Variants in DPP6 observed in about 807,000 individuals in gnomAD.
The protein encoded by DPP6 is dipeptidyl peptidase like 6.
DPP6 carries 69 observed loss-of-function variants against 122.6 expected under a neutral mutation model. The ratio of observed to expected loss-of-function variants is 0.56; its 90% CI spans 0.46 to 0.69. The LOEUF is 0.69. Ranked by LOEUF, DPP6 falls within the 30% of genes least tolerant of loss-of-function variation. The pLI is 0.00. For synonymous variants in DPP6, 418 were observed against 433.1 expected (o/e 0.97, Z 0.43); for missense variants, 928 against 1,116.9 (o/e 0.83, Z 2.41).
chr7:154,645,593 CATGAAACAGT>C (rs1168865910), intron 6 of DPP6, among the ~76,000 whole-genome samples: 9 of 152,140 alleles, frequency 5.9e-5, no homozygotes, highest in African/African-American at 2.2e-4. Context: ...CTTGTGTAGT[CATGAAACAGT>C]TCCTTTGCTC....
intron 1 of DPP6, among the ~76,000 whole-genome samples, chr7:154,332,985 C>T (rs772642954): frequency 3.3e-5 from 5 of 152,108 alleles, no homozygotes; most frequent in East Asian, 3.9e-4. Context: ...GCGATGGGTC[C>T]GGGGAACAGC....
intron 1 of DPP6, among the ~76,000 whole-genome samples, chr7:154,239,817 A>G (rs1801458803): frequency 7.8e-6 from 1 of 128,386 alleles, no homozygotes; most frequent in South Asian, 2.4e-4. Context: ...TACTAAAACT[A>G]CAAAAAAAAA....
At chr7:154,066,335 T>C (rs887278901) in intron 1 of DPP6, among the ~76,000 whole-genome samples, 11 of 151,996 alleles carry the variant, frequency 7.2e-5, no homozygotes, top group Non-Finnish European at 1.2e-4. Context: ...GTTGGGATTA[T>C]AGGTGTGAGT....
intron 1 of DPP6, among the ~76,000 whole-genome samples, chr7:154,361,365 A>C (rs1201287743): frequency 1.3e-5 from 2 of 152,218 alleles, no homozygotes; most frequent in African/African-American, 4.8e-5. Context: ...GGTCACAGTG[A>C]GATAGACCAC....
At chr7:154,869,726 C>T (rs185745239) in intron 18 of DPP6, among the ~76,000 whole-genome samples, 9 of 152,330 alleles carry the variant, frequency 5.9e-5, no homozygotes, top group Admixed American at 2.0e-4. Context: ...CTTCTGGCCC[C>T]GCCATTTGGC....
intron 2 of DPP6, among the ~76,000 whole-genome samples, chr7:154,471,869 A>T (rs984777019): frequency 5.3e-5 from 8 of 152,188 alleles, no homozygotes; most frequent in African/African-American, 1.9e-4. Context: ...TCTTGAAAAA[A>T]GTTATTTAGA....
intron 1 of DPP6, among the ~76,000 whole-genome samples, chr7:154,088,668 C>T (rs1302701989): frequency 6.8e-6 from 1 of 148,106 alleles, no homozygotes; most frequent in Non-Finnish European, 1.5e-5. Flanking sequence ...GGGGATGTGG[C>T]CCCTGGGCAG....
chr7:154,489,308 A>T (rs1319234927), intron 3 of DPP6, among the ~76,000 whole-genome samples: 2 of 152,202 alleles, frequency 1.3e-5, no homozygotes, highest in Non-Finnish European at 2.9e-5. Context: ...GTTCACATTT[A>T]AAATGCTTTA....
the DPP6 span, among the ~76,000 whole-genome samples, chr7:153,813,997 C>G: frequency 6.6e-6 from 1 of 151,508 alleles, no homozygotes; most frequent in Non-Finnish European, 1.5e-5. Context: ...ATGGTAGTTT[C>G]TTTTGCTGTG....
At chr7:154,479,570 A>AAG (rs1554563520) in intron 3 of DPP6, among the ~76,000 whole-genome samples, 47 of 101,618 alleles carry the variant, frequency 4.6e-4, no homozygotes, top group South Asian at 1.2e-3. Flanking sequence ...AAAAAAAAAA[A>AAG]AAAAGAAAAG....
At chr7:153,795,104 C>T in the DPP6 span, among the ~76,000 whole-genome samples, 1 of 152,170 alleles carries the variant, frequency 6.6e-6, no homozygotes, top group Non-Finnish European at 1.5e-5. Context: ...TCTTAATATT[C>T]TCTTATTACC....
At chr7:154,819,786 T>C (rs1587240983) in intron 16 of DPP6, among the ~76,000 whole-genome samples, 1 of 152,164 alleles carries the variant, frequency 6.6e-6, no homozygotes, top group East Asian at 1.9e-4. Flanking sequence ...ACATAAATGG[T>C]TCACTGTTAA....
At position 154,876,113 on chromosome 7, in the gene DPP6, C is replaced by T. The variant is rs749295481; in HGVS notation, c.2078+13C>T. 2 of 1,567,916 alleles carry T rather than the reference C, an allele frequency of 1.3e-6. No individual in the cohort carries two copies. Among genetic ancestry groups the T allele is most frequent in the Non-Finnish European group, 8.6e-7 (1 of 1,156,578 alleles). The stretch of plus-strand genomic sequence containing the variant: ...TGGAGGCCGTGCGGTGAGCACCCGC[C>T]CAGGAAGCAGGAGAGGCCGGGAGGG... On this transcript the variant is annotated intron_variant, in intron 20 of 25. Transcript: ENST00000377770.
chr7:154,455,644 A>G (rs530005923), intron 2 of DPP6, among the ~76,000 whole-genome samples: 34 of 152,190 alleles, frequency 2.2e-4, no homozygotes, highest in Middle Eastern at 3.4e-3. Flanking sequence ...TTGATTTCCC[A>G]TCATTAATTC....
the DPP6 span, among the ~76,000 whole-genome samples, chr7:153,764,822 A>C: frequency 6.6e-6 from 1 of 151,346 alleles, no homozygotes; most frequent in African/African-American, 2.4e-5. Flanking sequence ...TCCCACCATC[A>C]CCAGAACCGA....
intron 16 of DPP6, among the ~76,000 whole-genome samples, chr7:154,837,841 G>C (rs1370719723): frequency 6.6e-6 from 1 of 152,068 alleles, no homozygotes; most frequent in Admixed American, 6.5e-5. Flanking sequence ...CCCCAGTATT[G>C]GTGAGGTTTT....
chr7:154,326,575 T>A (rs895591839), intron 1 of DPP6, among the ~76,000 whole-genome samples: 1 of 152,220 alleles, frequency 6.6e-6, no homozygotes, highest in Non-Finnish European at 1.5e-5. Context: ...TTACACAGTG[T>A]TGTATGTTTG....
intron 1 of DPP6, among the ~76,000 whole-genome samples, chr7:153,964,347 G>T (rs1437480421): frequency 6.6e-6 from 1 of 152,188 alleles, no homozygotes; most frequent in Admixed American, 6.5e-5. Context: ...TTGTTGAAAT[G>T]TAATGCATTT....
intron 3 of DPP6, among the ~76,000 whole-genome samples, chr7:154,538,929 ACTGAAG>A (rs1227276166): frequency 6.6e-6 from 1 of 152,262 alleles, no homozygotes; most frequent in Non-Finnish European, 1.5e-5. Flanking sequence ...TAACTTTAGC[ACTGAAG>A]CTTTGGATGT....
Sources: gnomAD v4.1 joint callset for allele counts (sites outside exome capture counted in the v4.1 genomes callset) on GRCh38, gnomAD v4.1.1 for gene constraint, MANE v1.5 for transcripts, NCBI Gene and HGNC (gene_info 2026-07-23, HGNC 2026-07-21) for gene names.